The following MYOM2 variants were observed in gnomAD, a reference collection of about 807,000 sequenced individuals.
MYOM2 encodes myomesin 2, also known as myomesin-2.
A neutral mutation model predicts 187.6 loss-of-function variants in MYOM2; 254 were observed. That is an observed-to-expected ratio of 1.35 (90% CI 1.22 to 1.50). The LOEUF (loss-of-function observed/expected upper bound fraction) is 1.50, where lower values mean the gene tolerates loss of function less well. MYOM2 is among the 40% of genes most tolerant of loss of function. MYOM2 has a pLI of 0.00. For missense variants in MYOM2, 2,796 were observed against 1,924.0 expected (o/e 1.45, Z -8.48); for synonymous variants, 981 against 753.8 (o/e 1.30, Z -4.94).
In MYOM2 at chr8:2,117,950, A is replaced by T; in HGVS notation, c.3451A>T (p.Lys1151Ter). 2 of 1,612,548 alleles carry T rather than the reference A, an allele frequency of 1.2e-6. No homozygotes were observed. Among genetic ancestry groups the T allele is most frequent in the Non-Finnish European group, 1.7e-6 (2 of 1,179,174 alleles). ...TEECEVRLVC[K>*]VANTKKETVF... ...AGAATGTGAAGTTCGACTTGTTTGC[A>T]AGGTGAGAAACCCGGTTCTAACAGG... Residue 1151 changes from lysine to a stop codon, truncating the protein, a stop_gained and splice_region_variant, in exon 28 of 37, where the codon AAG becomes TAG. Coordinates refer to ENST00000262113, the MANE Select transcript of MYOM2 (RefSeq NM_003970.4). LOFTEE classifies it high-confidence loss of function.
intron 17 of MYOM2, among the ~76,000 whole-genome samples, chr8:2,094,491 A>C (rs1357518268): frequency 1.3e-5 from 2 of 152,142 alleles, no homozygotes; most frequent in African/African-American, 2.4e-5. Context: ...GTCTCTACTG[A>C]AAATACAAAA....
At chr8:2,063,015 G>C (rs1248701541) in intron 6 of MYOM2, among the ~76,000 whole-genome samples, 1 of 152,120 alleles carries the variant, frequency 6.6e-6, no homozygotes, top group Non-Finnish European at 1.5e-5. Flanking sequence ...CCCTAATATA[G>C]GTCTCCTCTG....
chr8:2,113,864 T>C (rs1030224861), intron 25 of MYOM2, among the ~76,000 whole-genome samples: 17 of 152,202 alleles, frequency 1.1e-4, no homozygotes, highest in African/African-American at 3.6e-4. Flanking sequence ...ATGTGTTTGG[T>C]ATTTCTCACT....
At chr8:2,138,151 G>C (rs1585977355) in intron 32 of MYOM2, among the ~76,000 whole-genome samples, 1 of 152,226 alleles carries the variant, frequency 6.6e-6, no homozygotes, top group Non-Finnish European at 1.5e-5. Context: ...GGCCACTGAT[G>C]CTCACCTGCC....
chr8:2,104,476 G>C (rs761567692), intron 21 of MYOM2, among the ~76,000 whole-genome samples: 1 of 151,982 alleles, frequency 6.6e-6, no homozygotes, highest in Non-Finnish European at 1.5e-5. Context: ...ATGGTGTTGG[G>C]CGCCTGTAGT....
intron 6 of MYOM2, among the ~76,000 whole-genome samples, chr8:2,064,528 C>T (rs1257733358): frequency 6.6e-6 from 1 of 151,724 alleles, no homozygotes; most frequent in Admixed American, 6.6e-5. Context: ...GGAGAGCCCA[C>T]GTGTTTTGCA....
At chr8:2,123,768 C>G in intron 30 of MYOM2, 126 bp downstream of exon 30, 1 of 784,112 alleles carries the variant, frequency 1.3e-6, no homozygotes, top group Non-Finnish European at 2.1e-6. Flanking sequence ...AGCAGTAACA[C>G]TGTAGAAAAA....
At chr8:2,055,588 A>G (rs747898661) in intron 3 of MYOM2, among the ~76,000 whole-genome samples, 8 of 152,104 alleles carry the variant, frequency 5.3e-5, no homozygotes, top group Non-Finnish European at 8.8e-5. Flanking sequence ...TCATGGTTAG[A>G]TTTTAGGGTT....
chr8:2,051,018 G>T (rs1177637832), intron 2 of MYOM2, 145 bp downstream of exon 2: 7 of 643,528 alleles, frequency 1.1e-5, no homozygotes, highest in Non-Finnish European at 1.9e-5. Context: ...CCCGTGCCCA[G>T]GTCCTGCCAC....
chr8:2,117,626 C>T (rs567058547), intron 27 of MYOM2, among the ~76,000 whole-genome samples: 2 of 152,230 alleles, frequency 1.3e-5, no homozygotes, highest in African/African-American at 2.4e-5. Context: ...GACGTACGCT[C>T]CTACCAGGAA....
In MYOM2 at chr8:2,073,503, G is replaced by A. The variant is rs1194412870; in HGVS notation, c.1120+3G>A. ...CAGCGCCTTCCTGTTTGTCAGAGGT[G>A]CGGGCAGCAGGGTTCTCAGGGTGCA... On this transcript the variant is annotated splice_donor_region_variant and intron_variant, in intron 10 of 36. Coordinates refer to ENST00000262113, the MANE Select transcript of MYOM2 (RefSeq NM_003970.4). 1.1e-5 allele frequency: 18 copies of A among 1,596,764 alleles called. No individual in the cohort carries two copies. The highest frequency in any genetic ancestry group is 1.5e-5 in the Non-Finnish European group (18 of 1,176,922).
intron 3 of MYOM2, 110 bp from the exon 4 acceptor site, chr8:2,057,238 G>A (rs1291914511): frequency 9.6e-6 from 12 of 1,254,436 alleles, no homozygotes; most frequent in South Asian, 3.3e-5. Flanking sequence ...CTTCTTGAAC[G>A]CACTTAAGGA....
intron 32 of MYOM2, among the ~76,000 whole-genome samples, chr8:2,131,264 C>G (rs1018752505): frequency 6.6e-6 from 1 of 152,108 alleles, no homozygotes; most frequent in Non-Finnish European, 1.5e-5. Flanking sequence ...CTCACAAATA[C>G]CCTGTGAGTT....
chr8:2,089,472 GA>G (rs1301854561), intron 14 of MYOM2, among the ~76,000 whole-genome samples: 1 of 151,964 alleles, frequency 6.6e-6, no homozygotes. Context: ...CCTCTTATTA[GA>G]CTAAAGATCT....
Position 2,088,121 on chromosome 8 carries a change from G to A in MYOM2, c.1645-1887G>A, listed in dbSNP as rs144611394. On this transcript the variant is annotated intron_variant, in intron 14 of 36. Transcript: ENST00000262113. ...TGGTTACATGAGTAAGCTCTTCAGC[G>A]GTGATTTGAGAGATTTTGGTGCATC... Among the ~76,000 whole-genome samples the A allele has an allele frequency of 6.6e-5, 10 of 151,968 alleles. No individual in the cohort carries two copies. The East Asian group carries it at 1.2e-3, about 18-fold the overall frequency.
Position 2,145,238 on chromosome 8 carries a change from T to A in MYOM2, c.*257T>A. ...CGGCAGATGCCTGACAGAGAGTGGG[T>A]TGGCAGACAACACACTAGAATTTTC... On this transcript the variant is annotated 3_prime_UTR_variant, in exon 37 of 37. Coordinates refer to ENST00000262113, the MANE Select transcript of MYOM2 (RefSeq NM_003970.4). 1 of 566,172 alleles carries A rather than the reference T, an allele frequency of 1.8e-6. No individual in the cohort carries two copies. Among genetic ancestry groups the A allele is most frequent in the Non-Finnish European group, 3.1e-6 (1 of 324,434 alleles). 35.1% of individuals were successfully genotyped at this position (566,172 alleles called of 1,614,324 possible). A position where few individuals can be genotyped will look rare whatever the true frequency, so the allele number is the denominator to read the frequency against.
At position 2,085,349 on chromosome 8, in the gene MYOM2, A is replaced by G. The variant is rs1819778442; in HGVS notation, c.1603A>G (p.Thr535Ala). 1 of 1,613,136 alleles carries G rather than the reference A, an allele frequency of 6.2e-7. No homozygotes were observed. Among genetic ancestry groups the G allele is most frequent in the Non-Finnish European group, 8.5e-7 (1 of 1,179,810 alleles). Residue 535 changes from threonine (T) to alanine (A), a missense_variant, in exon 14 of 37, where the codon ACT becomes GCT. Thr to Ala is a moderately conservative substitution (Grantham distance 58, BLOSUM62 0). Transcript: ENST00000262113. ...NYVVLSWEPP[T>A]PRGKDPLMYF... ...TGTCGTCCTCAGCTGGGAGCCACCC[A>G]CTCCCCGTGGCAAGGACCCGCTCAT...
At position 2,066,641 on chromosome 8, in the gene MYOM2, G is replaced by T. The variant is rs541127708; in HGVS notation, c.654-2637G>T. 3.3e-5 allele frequency among the ~76,000 whole-genome samples: 5 copies of T among 152,158 alleles called. 1 individual carries two copies. In the South Asian group the frequency reaches 8.3e-4, roughly 25 times the overall value. On this transcript the variant is annotated intron_variant, in intron 6 of 36. Transcript: ENST00000262113. ...CAGAGAAGCACCTCCTCCTTCCACC[G>T]CGGACCCCAGTCCCAGGCATGTTCT...
chr8:2,080,818 C>A (rs896748020), intron 13 of MYOM2, among the ~76,000 whole-genome samples: 2 of 142,018 alleles, frequency 1.4e-5, no homozygotes, highest in Non-Finnish European at 3.1e-5. Flanking sequence ...GTTCTGGCCT[C>A]CGGGAGGAAC....
Sources: allele counts gnomAD v4.1 joint callset (sites outside exome capture counted in the v4.1 genomes callset), GRCh38; gene constraint gnomAD v4.1.1; transcripts MANE v1.5; gene names NCBI Gene and HGNC (gene_info 2026-07-23, HGNC 2026-07-21).